The following TRERF1 variants were observed in gnomAD, a reference collection of about 807,000 sequenced individuals.
TRERF1 encodes the protein transcriptional regulating factor 1, also known as transcriptional-regulating factor 1.
TRERF1 carries 27 observed loss-of-function variants against 122.9 expected under a neutral mutation model. That is an observed-to-expected ratio of 0.22 (90% CI 0.16 to 0.30). The LOEUF (loss-of-function observed/expected upper bound fraction) is 0.30, where lower values mean the gene tolerates loss of function less well. Among genes scored for constraint, TRERF1 ranks in the 10% least tolerant of loss-of-function variants. The probability of loss-of-function intolerance (pLI) is 1.00; values close to 1 mark genes in which losing one functional copy is unlikely to be tolerated. For synonymous variants in TRERF1, 636 were observed against 641.7 expected, an observed-to-expected ratio of 0.99 and a Z score of 0.13; for missense variants, 1,248 against 1,560.3, an observed-to-expected ratio of 0.80 and a Z score of 3.37.
intron 2 of TRERF1, among the ~76,000 whole-genome samples, chr6:42,437,537 C>T (rs915829954): frequency 6.6e-6 from 1 of 152,118 alleles, no homozygotes; most frequent in Non-Finnish European, 1.5e-5. Flanking sequence ...AATGAGGCTC[C>T]AAGAGTTAGC....
At chr6:42,234,703 A>G (rs1443211322) in intron 16 of TRERF1, among the ~76,000 whole-genome samples, 2 of 152,162 alleles carry the variant, frequency 1.3e-5, no homozygotes, top group African/African-American at 4.8e-5. Flanking sequence ...CAAAGCCTCC[A>G]TCGTTAGGCA....
chr6:42,318,909 G>A (rs1762938855), intron 3 of TRERF1, among the ~76,000 whole-genome samples: 1 of 152,208 alleles, frequency 6.6e-6, no homozygotes, highest in South Asian at 2.1e-4. Flanking sequence ...CTGAAGTGTG[G>A]CCAGCCAGAG....
chr6:42,252,088 T>A (rs1392694107), intron 13 of TRERF1, among the ~76,000 whole-genome samples: 2 of 152,190 alleles, frequency 1.3e-5, no homozygotes, highest in African/African-American at 4.8e-5. Context: ...GGCTGGACTG[T>A]GCATCGTGGT....
intron 2 of TRERF1, among the ~76,000 whole-genome samples, chr6:42,428,903 C>A (rs1475816168): frequency 6.6e-6 from 1 of 152,194 alleles, no homozygotes; most frequent in African/African-American, 2.4e-5. Flanking sequence ...TTCCCAGGAA[C>A]CCACAGATAG....
In TRERF1 at chr6:42,263,667, G is replaced by A. The variant is rs769897848; in HGVS notation, c.1636-99C>T. The A allele has an allele frequency of 6.7e-6, 9 of 1,348,130 alleles. No homozygotes were observed. The highest frequency in any genetic ancestry group is 8.6e-6 in the Non-Finnish European group (9 of 1,046,206). 83.5% of individuals were successfully genotyped at this position (1,348,130 alleles called of 1,614,324 possible). On this transcript the variant is annotated intron_variant, in intron 7 of 17. Coordinates refer to ENST00000372922, the Ensembl canonical transcript of TRERF1. The surrounding 1 kb of genome is among the most constrained non-coding windows in gnomAD (Gnocchi z 5.6). ...GAAAGGTTCCAGGACATCAGGTATG[G>A]GTGATAGAGAACCGCTGCAGGGCGA...
chr6:42,277,965 A>AGAC (rs1781579206), intron 4 of TRERF1, among the ~76,000 whole-genome samples: 3 of 146,632 alleles, frequency 2.0e-5, no homozygotes, highest in African/African-American at 7.7e-5. Context: ...AAGAAGAAGA[A>AGAC]GAAGAAGAAG....
chr6:42,440,937 C>A (rs114647013), intron 2 of TRERF1, among the ~76,000 whole-genome samples: 2 of 152,238 alleles, frequency 1.3e-5, no homozygotes, highest in Non-Finnish European at 2.9e-5. Flanking sequence ...CCTCCACGTG[C>A]GCTAAGCTCT....
In TRERF1 at chr6:42,270,058, C is replaced by T. The variant is rs138994376; in HGVS notation, c.-258-210G>A. Among the ~76,000 whole-genome samples, 472 of 152,272 alleles carry T rather than the reference C, an allele frequency of 3.1e-3. 4 individuals are homozygous for T. Among genetic ancestry groups the T allele is most frequent in the Middle Eastern group, 0.01 (3 of 294 alleles). ...TAAATTAGCTGGGTGTGGTGGCATG[C>T]GCCTGTAGTCCCAGCTGCTCAGGAG... On this transcript the variant is annotated intron_variant, in intron 4 of 17. Transcript: ENST00000372922.
rs556186277 is a variant in TRERF1 at position 42,379,833 on chromosome 6, G to A, written c.-453-16754C>T. Among the ~76,000 whole-genome samples, 10 of 152,332 alleles carry A rather than the reference G, an allele frequency of 6.6e-5. No individual in the cohort carries two copies. The South Asian group carries it at 2.1e-3, about 32-fold the overall frequency. On this transcript the variant is annotated intron_variant, in intron 2 of 17. Coordinates refer to ENST00000372922, the Ensembl canonical transcript of TRERF1. ...TGGGATTACAGGTGTGAGCCATCAC[G>A]CCCAGCCTGTGCCAGGCATGTTGTA...
At chr6:42,416,905 T>G (rs186647164) in intron 2 of TRERF1, among the ~76,000 whole-genome samples, 3 of 152,320 alleles carry the variant, frequency 2.0e-5, no homozygotes, top group Non-Finnish European at 2.9e-5. Flanking sequence ...TGTGTGTGTT[T>G]TTTTTAAGAA....
At chr6:42,430,309 T>C (rs1167743465) in intron 2 of TRERF1, among the ~76,000 whole-genome samples, 2 of 152,138 alleles carry the variant, frequency 1.3e-5, no homozygotes, top group Non-Finnish European at 2.9e-5. Context: ...TGATGAGTTA[T>C]AAACTCAAAC....
chr6:42,241,106 G>C (rs1042919177), intron 15 of TRERF1, among the ~76,000 whole-genome samples: 2 of 152,064 alleles, frequency 1.3e-5, no homozygotes, highest in African/African-American at 4.8e-5. Context: ...GGGTGGTCTC[G>C]ATCTCCTGAC....
At chr6:42,245,562 T>C (rs1168830147) in intron 14 of TRERF1, among the ~76,000 whole-genome samples, 1 of 152,274 alleles carries the variant, frequency 6.6e-6, no homozygotes, top group Non-Finnish European at 1.5e-5. Flanking sequence ...TTGAATGATT[T>C]TAATTTTTTA....
chr6:42,434,102 G>A (rs1391716838), intron 2 of TRERF1, among the ~76,000 whole-genome samples: 1 of 152,162 alleles, frequency 6.6e-6, no homozygotes, highest in Non-Finnish European at 1.5e-5. Flanking sequence ...GACTGGTGCT[G>A]TGGAAGATGG....
chr6:42,407,174 T>G (rs906884872), intron 2 of TRERF1, among the ~76,000 whole-genome samples: 10 of 152,158 alleles, frequency 6.6e-5, no homozygotes, highest in African/African-American at 2.4e-4. Flanking sequence ...TTACAAAAAG[T>G]TTCAACTGCA....
intron 3 of TRERF1, among the ~76,000 whole-genome samples, chr6:42,329,851 G>A (rs1264172887): frequency 1.3e-5 from 2 of 151,894 alleles, no homozygotes; most frequent in Non-Finnish European, 2.9e-5. Flanking sequence ...TTAGCCGGGC[G>A]TGGTGGGGGC....
chr6:42,379,089 C>T (rs533448904), intron 2 of TRERF1, among the ~76,000 whole-genome samples: 1 of 152,218 alleles, frequency 6.6e-6, no homozygotes, highest in East Asian at 1.9e-4. Context: ...CACTGCACTC[C>T]AGCCTGGGTG....
chr6:42,317,346 G>A (rs1438076870), intron 3 of TRERF1, among the ~76,000 whole-genome samples: 1 of 150,584 alleles, frequency 6.6e-6, no homozygotes, highest in East Asian at 2.0e-4. Flanking sequence ...CTCCTCAGTA[G>A]TTTTTGTTTG....
chr6:42,310,465 C>G (rs1384071680), intron 3 of TRERF1, among the ~76,000 whole-genome samples: 2 of 152,274 alleles, frequency 1.3e-5, no homozygotes, highest in East Asian at 3.9e-4. Flanking sequence ...CATGGTGGAG[C>G]AGTAGTTCTC....
Sources: gnomAD v4.1 joint callset for allele counts (sites outside exome capture counted in the v4.1 genomes callset) on GRCh38, gnomAD v4.1.1 for gene constraint, Gnocchi (gnomAD v3.1) non-coding constraint, MANE v1.5 for transcripts, NCBI Gene and HGNC (gene_info 2026-07-23, HGNC 2026-07-21) for gene names.